BUB1B: variants seen among roughly 807,000 people sequenced by gnomAD.
BUB1B encodes the protein BUB1 mitotic checkpoint serine/threonine kinase B, also known as mitotic checkpoint serine/threonine-protein kinase BUB1 beta.
A neutral mutation model predicts 137.7 loss-of-function variants in BUB1B; 86 were observed. That is an observed-to-expected ratio of 0.62 (90% CI 0.52 to 0.75). The LOEUF is 0.75. Ranked by LOEUF, BUB1B falls within the 30% of genes least tolerant of loss-of-function variation. BUB1B has a pLI of 0.00. For synonymous variants in BUB1B, 420 were observed against 417.9 expected (o/e 1.00, Z -0.06); for missense variants, 1,130 against 1,236.9 (o/e 0.91, Z 1.30).
intron 5 of BUB1B, among the ~76,000 whole-genome samples, chr15:40,180,741 C>T (rs995742243): frequency 7.1e-6 from 1 of 141,726 alleles, no homozygotes; most frequent in Non-Finnish European, 1.5e-5. Context: ...GCTCCGCCTC[C>T]TGGGATTACG....
At chr15:40,194,110 A>C (rs1333441025) in intron 8 of BUB1B, among the ~76,000 whole-genome samples, 1 of 136,774 alleles carries the variant, frequency 7.3e-6, no homozygotes, top group African/African-American at 3.7e-5. Flanking sequence ...TTGTTTTCTT[A>C]ATTTCATTTT....
intron 8 of BUB1B, among the ~76,000 whole-genome samples, chr15:40,186,477 G>A (rs137867102): frequency 7.6e-4 from 90 of 118,138 alleles, no homozygotes; most frequent in Admixed American, 5.3e-3. Context: ...TCGCTGTGTC[G>A]CCCAGGCTGG....
Position 40,206,117 on chromosome 15 carries a change from C to T in BUB1B, c.1735-67C>T. ...CCTGTGTCACTGAGCTAATATGTCT[C>T]TCTCAGTAAAAAAGTTCTTCATGTA... is the stretch of plus-strand genomic sequence containing the variant. On this transcript the variant is annotated intron_variant, in intron 14 of 22. Coordinates refer to ENST00000287598, the MANE Select transcript of BUB1B (RefSeq NM_001211.6). 7 of 1,507,270 alleles carry T rather than the reference C, an allele frequency of 4.6e-6. No individual in the cohort carries two copies. The African/African-American group carries it at 5.5e-5, about 12-fold the overall frequency. The allele number at this position is 1,507,270 out of a possible 1,614,324, so 93.4% of individuals were successfully genotyped here. A position where few individuals can be genotyped will look rare whatever the true frequency, so the allele number is the denominator to read the frequency against.
chr15:40,199,481 A>G lies in BUB1B; in HGVS notation c.1289-134A>G, dbSNP rs182341238. On this transcript the variant is annotated intron_variant, in intron 9 of 22. Coordinates refer to ENST00000287598, the MANE Select transcript of BUB1B (RefSeq NM_001211.6). ...GAATAGAGGCCTAGACCACAAGTTG[A>G]GGACCTTATTCCACTTAAATCATTT... 499 of 706,678 alleles carry G rather than the reference A, an allele frequency of 7.1e-4. 3 individuals carry two copies. The highest frequency in any genetic ancestry group is 2.0e-3 in the South Asian group (129 of 63,588). 43.8% of individuals were successfully genotyped at this position (706,678 alleles called of 1,614,324 possible).
rs1455988361 is a variant in BUB1B at position 40,201,076 on chromosome 15, AAGAC to A, written c.1567+99_1567+102del. On this transcript the variant is annotated intron_variant, in intron 12 of 22. Coordinates refer to ENST00000287598, the MANE Select transcript of BUB1B (RefSeq NM_001211.6). ...TTTTTAATTATGATAAAGGGATTGA[AAGAC>A]AGGGGGACTAGGATACTAGGAATTT... 4 of 1,156,448 alleles carry A rather than the reference AAGAC, an allele frequency of 3.5e-6. No homozygotes were observed. The African/African-American group carries it at 4.6e-5, about 13-fold the overall frequency. 71.6% of individuals were successfully genotyped at this position (1,156,448 alleles called of 1,614,324 possible).
At chr15:40,194,986 C>CA (rs2037480450) in intron 8 of BUB1B, among the ~76,000 whole-genome samples, 1 of 151,778 alleles carries the variant, frequency 6.6e-6, no homozygotes, top group Non-Finnish European at 1.5e-5. Flanking sequence ...TTTTATTTTC[C>CA]TTTTTTTTAC....
Position 40,200,259 on chromosome 15 carries a change from C to G in BUB1B, c.1417C>G (p.Pro473Ala). ...ATGCAAACAGCAAGAAGAGACGATGCCTACAAAGGAGACAACTAAACTGCA... is the reference window on the plus strand; with the variant it reads ...ATGCAAACAGCAAGAAGAGACGATGGCTACAAAGGAGACAACTAAACTGCA... ...RTGDQQEETM[P>A]TKETTKLQIA... Residue 473 changes from proline (P) to alanine (A), a missense_variant, in exon 11 of 23, where the codon CCT (proline) becomes GCT (alanine). By Grantham distance (27) the Pro-to-Ala change is conservative. Coordinates refer to ENST00000287598, the MANE Select transcript of BUB1B (RefSeq NM_001211.6). 1.2e-6 allele frequency: 2 copies of G among 1,612,808 alleles called. No individual in the cohort carries two copies. The highest frequency in any genetic ancestry group is 4.5e-5 in the East Asian group (2 of 44,812).
intron 9 of BUB1B, 88 bp downstream of exon 9, chr15:40,196,862 A>G (rs2037505396): frequency 1.7e-6 from 2 of 1,199,598 alleles, no homozygotes; most frequent in Admixed American, 3.6e-5. Context: ...AACTAACCTT[A>G]TAGTTTGTAC....
At chr15:40,212,996 C>T (rs976925263) in intron 19 of BUB1B, among the ~76,000 whole-genome samples, 4 of 152,106 alleles carry the variant, frequency 2.6e-5, no homozygotes, top group Admixed American at 1.3e-4. Context: ...TTTTACTCTT[C>T]GGTTTGTTCT....
rs971891189 is a variant in BUB1B at position 40,185,576 on chromosome 15, T to C, written c.992T>C (p.Ile331Thr). ...HRPRGNTASLIAVPAVLPSFT... is the reference protein window; with the variant it reads ...HRPRGNTASLTAVPAVLPSFT... Reference sequence around the variant, plus strand: ...CCTCGTGGCAATACAGCTTCACTGATAGCTGTACCCGCTGTGCTTCCCAGT... The same window carrying C: ...CCTCGTGGCAATACAGCTTCACTGACAGCTGTACCCGCTGTGCTTCCCAGT... Residue 331 changes from isoleucine (I) to threonine (T), a missense_variant, in exon 8 of 23, where the codon ATA becomes ACA. By Grantham distance (89) the Ile-to-Thr change is moderately conservative. Transcript: ENST00000287598. The C allele has an allele frequency of 3.7e-6, 6 of 1,614,072 alleles. No individual in the cohort carries two copies. Among genetic ancestry groups the C allele is most frequent in the Non-Finnish European group, 5.1e-6 (6 of 1,179,996 alleles).
intron 10 of BUB1B, 54 bp downstream of exon 10, chr15:40,199,781 C>A (rs2037542341): frequency 3.7e-6 from 5 of 1,351,518 alleles, no homozygotes; most frequent in Non-Finnish European, 5.2e-6. Context: ...CAAATTTAAA[C>A]ATTATAAAAA....
At chr15:40,209,148 G>A (rs549178440) in intron 16 of BUB1B, among the ~76,000 whole-genome samples, 9 of 152,180 alleles carry the variant, frequency 5.9e-5, no homozygotes, top group South Asian at 2.1e-4. Flanking sequence ...GGCCGGGTGC[G>A]GTGGCTCACG....
chr15:40,182,175 G>A (rs2037302567), intron 5 of BUB1B, among the ~76,000 whole-genome samples: 1 of 152,236 alleles, frequency 6.6e-6, no homozygotes, highest in Admixed American at 6.5e-5. Context: ...CTGTACTCCA[G>A]CTTGGGTGAC....
At chr15:40,186,256 A>G (rs1418728411) in intron 8 of BUB1B, among the ~76,000 whole-genome samples, 1 of 152,118 alleles carries the variant, frequency 6.6e-6, no homozygotes, top group Non-Finnish European at 1.5e-5. Context: ...TGTCATTGAT[A>G]GTAATGAGAA....
intron 1 of BUB1B, among the ~76,000 whole-genome samples, chr15:40,162,481 G>A (rs2037052606): frequency 1.3e-5 from 2 of 152,122 alleles, no homozygotes; most frequent in Admixed American, 6.6e-5. Context: ...TGGAAGCAAG[G>A]GACACCAGTT....
chr15:40,200,180 A>T, intron 10 of BUB1B, 64 bp from the exon 11 acceptor site: 1 of 1,104,794 alleles, frequency 9.1e-7, no homozygotes, highest in Non-Finnish European at 1.4e-6. Flanking sequence ...AGCTAATGTT[A>T]GAACTAGAAA....
At chr15:40,218,039 T>A (rs966524671) in intron 21 of BUB1B, among the ~76,000 whole-genome samples, 1 of 152,224 alleles carries the variant, frequency 6.6e-6, no homozygotes, top group African/African-American at 2.4e-5. Flanking sequence ...AAAAGAACAT[T>A]AGCACAAATG....
intron 9 of BUB1B, among the ~76,000 whole-genome samples, chr15:40,197,097 C>CTATGA (rs1350508636): frequency 1.3e-5 from 2 of 152,180 alleles, no homozygotes; most frequent in African/African-American, 4.8e-5. Flanking sequence ...AAGCAAGCAG[C>CTATGA]TATGATCCCT....
chr15:40,173,076 G>A (rs182397283), intron 4 of BUB1B, among the ~76,000 whole-genome samples: 8 of 152,166 alleles, frequency 5.3e-5, no homozygotes, highest in Admixed American at 5.2e-4. Context: ...AGGAGTTCGA[G>A]ACCAACCTGG....
Sources: gnomAD v4.1 joint callset for allele counts (sites outside exome capture counted in the v4.1 genomes callset) on GRCh38, gnomAD v4.1.1 for gene constraint, MANE v1.5 for transcripts, NCBI Gene and HGNC (gene_info 2026-07-23, HGNC 2026-07-21) for gene names.